Variants in BST1 observed in about 807,000 individuals in gnomAD.
The protein encoded by BST1 is ADP-ribosyl cyclase/cyclic ADP-ribose hydrolase 2.
In BST1, 49 loss-of-function variants were observed where a neutral mutation model predicts 40.6. The ratio of observed to expected loss-of-function variants is 1.21; its 90% CI spans 0.96 to 1.53. The LOEUF (loss-of-function observed/expected upper bound fraction) is 1.53, where lower values mean the gene tolerates loss of function less well. Among genes scored for constraint, BST1 ranks in the 40% most tolerant of loss-of-function variants. The pLI is 0.00. For missense variants in BST1, 423 were observed against 395.9 expected, an observed-to-expected ratio of 1.07 and a Z score of -0.58; for synonymous variants, 157 against 159.3, an observed-to-expected ratio of 0.99 and a Z score of 0.11.
the BST1 span, among the ~76,000 whole-genome samples, chr4:15,756,762 C>T: frequency 6.6e-6 from 1 of 152,116 alleles, no homozygotes; most frequent in South Asian, 2.1e-4. Flanking sequence ...TCACATTTTT[C>T]TGTGCACTGG....
Position 15,722,866 on chromosome 4 carries a change from T to C in BST1, c.792-9T>C. 2 of 1,611,114 alleles carry C rather than the reference T, an allele frequency of 1.2e-6. No homozygotes were observed. The highest frequency in any genetic ancestry group is 1.7e-6 in the Non-Finnish European group (2 of 1,177,792). ...AAATAATCCCTTAAATATTATTTTC[T>C]TTCTGTAGACCAGTGAAGCTCTTAC... On this transcript the variant is annotated splice_polypyrimidine_tract_variant and intron_variant, in intron 7 of 8. Transcript: ENST00000265016.
intron 3 of BST1, among the ~76,000 whole-genome samples, chr4:15,710,832 C>T (rs1051884470): frequency 3.3e-5 from 5 of 152,054 alleles, no homozygotes; most frequent in African/African-American, 1.2e-4. Context: ...GTGTGTCACC[C>T]AGGCCAGAGT....
rs1000656059 is a variant in BST1, at chr4:15,705,401, T to C, written c.189-114T>C. 4.9e-6 allele frequency: 6 copies of C among 1,233,644 alleles called. No individual in the cohort carries two copies. In the African/African-American group the frequency reaches 9.2e-5, roughly 19 times the overall value. The allele number at this position is 1,233,644 out of a possible 1,614,324, so 76.4% of individuals were successfully genotyped here. On this transcript the variant is annotated intron_variant, in intron 1 of 8. Coordinates refer to ENST00000265016, the MANE Select transcript of BST1 (RefSeq NM_004334.3). ...TTCGTTGTCTTTTTTGTAAGCCTAC[T>C]TCTGCAGTTACTATATGAAAAATCT...
intron 4 of BST1, among the ~76,000 whole-genome samples, chr4:15,714,022 T>A (rs527828409): frequency 2.6e-4 from 39 of 152,160 alleles, no homozygotes; most frequent in East Asian, 5.8e-4. Context: ...ATTTTTTTTT[T>A]AATATTTTTT....
chr4:15,705,224 T>A (rs1390609961), intron 1 of BST1, among the ~76,000 whole-genome samples: 1 of 151,866 alleles, frequency 6.6e-6, no homozygotes, highest in Non-Finnish European at 1.5e-5. Context: ...TATAGTTGAC[T>A]GAATTTGTCA....
chr4:15,745,524 G>T, the BST1 span, among the ~76,000 whole-genome samples: 2 of 152,102 alleles, frequency 1.3e-5, no homozygotes, highest in African/African-American at 4.8e-5. Flanking sequence ...CAGGTAATAT[G>T]ACTGAAATGT....
the BST1 span, among the ~76,000 whole-genome samples, chr4:15,752,519 G>A: frequency 6.6e-6 from 1 of 151,856 alleles, no homozygotes. Flanking sequence ...CTCCTGAGTA[G>A]CTGGGATTAC....
At chr4:15,730,198 G>T (rs993222499) in intron 8 of BST1, among the ~76,000 whole-genome samples, 6 of 152,164 alleles carry the variant, frequency 3.9e-5, no homozygotes, top group African/African-American at 1.2e-4. Context: ...AACTTTTAAG[G>T]ACAGGGCCAC....
At chr4:15,745,478 T>C in the BST1 span, among the ~76,000 whole-genome samples, 44 of 152,248 alleles carry the variant, frequency 2.9e-4, no homozygotes, top group African/African-American at 1.0e-3. Flanking sequence ...CCCAAAATTA[T>C]GTAGTTGGCC....
intron 1 of BST1, among the ~76,000 whole-genome samples, chr4:15,704,611 A>G (rs1044060185): frequency 6.6e-6 from 1 of 151,776 alleles, no homozygotes; most frequent in African/African-American, 2.4e-5. Context: ...AGTGTGAAGG[A>G]GGGTGGAGAG....
At chr4:15,724,058 C>T (rs1720969251) in intron 8 of BST1, among the ~76,000 whole-genome samples, 1 of 152,186 alleles carries the variant, frequency 6.6e-6, no homozygotes, top group South Asian at 2.1e-4. Context: ...GTTCTTTGCT[C>T]TGTGAGGCTT....
At chr4:15,766,781 C>T in the BST1 span, among the ~76,000 whole-genome samples, 7 of 131,110 alleles carry the variant, frequency 5.3e-5, no homozygotes, top group Non-Finnish European at 1.1e-4. Context: ...GAGACAAAGA[C>T]CTCCCTAAAA....
the BST1 span, among the ~76,000 whole-genome samples, chr4:15,752,039 T>A: frequency 0.014 from 2,148 of 152,228 alleles, 57 homozygotes; most frequent in African/African-American, 0.049. Flanking sequence ...CATAAAAGAT[T>A]AAAAAACTTT....
chr4:15,715,575 C>T (rs1720465703), intron 5 of BST1, 132 bp from the exon 6 acceptor site: 1 of 831,328 alleles, frequency 1.2e-6, no homozygotes, highest in Non-Finnish European at 1.8e-6. Flanking sequence ...AAAAAGTAAC[C>T]TAAAAATAAA....
At chr4:15,755,345 G>T in the BST1 span, among the ~76,000 whole-genome samples, 5 of 152,130 alleles carry the variant, frequency 3.3e-5, no homozygotes, top group African/African-American at 1.2e-4. Context: ...CACCATGTTT[G>T]TCTGGCTGGT....
chr4:15,726,227 A>G (rs1721107780), intron 8 of BST1, among the ~76,000 whole-genome samples: 1 of 150,072 alleles, frequency 6.7e-6, no homozygotes, highest in Non-Finnish European at 1.5e-5. Flanking sequence ...CTGTCAGAAC[A>G]TGAGCTCCAG....
At chr4:15,743,364 G>T in the BST1 span, 3 of 334,218 alleles carry the variant, frequency 9.0e-6, no homozygotes, top group South Asian at 3.0e-5. Context: ...TTCGGTGGAT[G>T]AGACTAATCT....
At chr4:15,773,962 T>G in the BST1 span, among the ~76,000 whole-genome samples, 1 of 152,174 alleles carries the variant, frequency 6.6e-6, no homozygotes, top group Admixed American at 6.5e-5. Context: ...CACCCCAAAT[T>G]CATATGTTGA....
downstream of BST1, among the ~76,000 whole-genome samples, chr4:15,734,926 G>T (rs1414663003): frequency 1.3e-5 from 2 of 152,222 alleles, no homozygotes; most frequent in East Asian, 3.8e-4. Context: ...AAGTGAGACT[G>T]CAGAGGAATG....
Sources: allele counts gnomAD v4.1 joint callset (sites outside exome capture counted in the v4.1 genomes callset), GRCh38; gene constraint gnomAD v4.1.1; transcripts MANE v1.5; gene names NCBI Gene and HGNC (gene_info 2026-07-23, HGNC 2026-07-21).